Variants in RP2 observed in about 807,000 individuals in gnomAD.
RP2 encodes protein XRP2.
Under a neutral mutation model 20.3 loss-of-function variants are expected in RP2, and 3 were observed. That is an observed-to-expected ratio of 0.15 (90% CI 0.07 to 0.38). The LOEUF (loss-of-function observed/expected upper bound fraction) is 0.38, where lower values mean the gene tolerates loss of function less well. Ranked by LOEUF, RP2 falls within the 10% of genes least tolerant of loss-of-function variation. The pLI is 1.00. For synonymous variants in RP2, 75 were observed against 94.8 expected, an observed-to-expected ratio of 0.79 and a Z score of 1.22; for missense variants, 233 against 268.5, an observed-to-expected ratio of 0.87 and a Z score of 0.92.
At chrX:46,851,482 C>T (rs930222323) in intron 1 of RP2, among the ~76,000 whole-genome samples, 3 of 108,915 alleles carry the variant, frequency 2.8e-5, no homozygotes, top group Non-Finnish European at 5.7e-5. Flanking sequence ...ACTAAAAATA[C>T]AACATTAGCT....
At chrX:46,847,706 ATATACACACATATATGTGTGTGTG>A (rs1556316575) in intron 1 of RP2, among the ~76,000 whole-genome samples, 67 of 91,737 alleles carry the variant, frequency 7.3e-4, no homozygotes, top group African/African-American at 2.6e-3. Context: ...GTGTGTGTAT[ATATACACACATATATGTGTGTGTG>A]TATATACACA....
rs376427860 is a variant in RP2, at chrX:46,876,055, C to G, written c.884-1450C>G. 8.7e-4 allele frequency among the ~76,000 whole-genome samples: 97 copies of G among 111,325 alleles called. 1 individual carries two copies. The South Asian group carries it at 0.034, about 39-fold the overall frequency. ...TATGTTCTTGAACTCCTGGCCAGGGCTGAAGGCAAGAGGATTGCTTGAGGC... is the reference window on the plus strand; with the variant it reads ...TATGTTCTTGAACTCCTGGCCAGGGGTGAAGGCAAGAGGATTGCTTGAGGC... On this transcript the variant is annotated intron_variant, in intron 3 of 4. Transcript: ENST00000218340.
intron 1 of RP2, among the ~76,000 whole-genome samples, chrX:46,844,184 AT>A (rs1367935406): frequency 9.0e-6 from 1 of 111,711 alleles, no homozygotes; most frequent in Non-Finnish European, 1.9e-5. Context: ...ATTTAAAAAA[AT>A]TTTTTTATTA....
In RP2 at chrX:46,853,632, A is replaced by G. The variant is rs371534920; in HGVS notation, c.259A>G (p.Thr87Ala). 3 of 1,210,067 alleles carry G rather than the reference A, an allele frequency of 2.5e-6. No homozygotes were observed. In the African/African-American group the frequency reaches 5.2e-5, roughly 21 times the overall value. Residue 87 changes from threonine to alanine, a missense_variant, in exon 2 of 5, where the codon ACT (threonine) becomes GCT (alanine). Thr to Ala is a moderately conservative substitution (Grantham distance 58). Transcript: ENST00000218340. ...HSATVTIDDC[T>A]NCIIFLGPVK... ...TGCTACAGTTACCATTGATGACTGT[A>G]CTAACTGCATAATTTTTCTGGGACC... is the stretch of plus-strand genomic sequence containing the variant.
chrX:46,854,165 A>C, intron 2 of RP2, 24 bp downstream of exon 2: 1 of 1,171,346 alleles, frequency 8.5e-7, no homozygotes, highest in Non-Finnish European at 1.2e-6. Context: ...GAAGAGAAAT[A>C]GTCATACACC....
At chrX:46,875,566 T>C (rs1925362641) in intron 3 of RP2, among the ~76,000 whole-genome samples, 1 of 111,281 alleles carries the variant, frequency 9.0e-6, no homozygotes, top group Non-Finnish European at 1.9e-5. Context: ...GTAAGGAGGA[T>C]CTCTCTAAGT....
chrX:46,865,748 T>C (rs944913924), intron 3 of RP2, among the ~76,000 whole-genome samples: 5 of 111,369 alleles, frequency 4.5e-5, no homozygotes, highest in Non-Finnish European at 7.5e-5. Flanking sequence ...GCCAACATGG[T>C]GAAACCCCAT....
chrX:46,852,158 G>A (rs1291322128), intron 1 of RP2, among the ~76,000 whole-genome samples: 12 of 111,282 alleles, frequency 1.1e-4, no homozygotes, highest in African/African-American at 3.9e-4. Flanking sequence ...AGTGAGCTGA[G>A]ATTGCGCCAT....
At position 46,877,681 on chromosome X, in the gene RP2, T is replaced by C. The variant is rs782057496; in HGVS notation, c.969+91T>C. ...AATAATACTTTAATACTTTTGTCCCTAATGTTGCTTGGAATTTTTGGGGTG... is the reference window on the plus strand; with the variant it reads ...AATAATACTTTAATACTTTTGTCCCCAATGTTGCTTGGAATTTTTGGGGTG... On this transcript the variant is annotated intron_variant, in intron 4 of 4. Coordinates refer to ENST00000218340, the MANE Select transcript of RP2 (RefSeq NM_006915.3). 655 of 650,342 alleles carry C rather than the reference T, an allele frequency of 1.0e-3. 2 individuals are homozygous for C. The highest frequency in any genetic ancestry group is 1.6e-3 in the South Asian group (67 of 41,784). The allele number at this position is 650,342 out of a possible 1,213,427, so 53.6% of individuals were successfully genotyped here.
chrX:46,872,875 C>A (rs1393205458), intron 3 of RP2, among the ~76,000 whole-genome samples: 3 of 110,493 alleles, frequency 2.7e-5, no homozygotes, highest in Non-Finnish European at 5.7e-5. Flanking sequence ...ATAGCTTGGA[C>A]TACAGACATG....
intron 3 of RP2, among the ~76,000 whole-genome samples, chrX:46,875,503 C>CA (rs1449577741): frequency 1.8e-5 from 2 of 111,013 alleles, no homozygotes; most frequent in Non-Finnish European, 3.8e-5. Context: ...CATTGGTATA[C>CA]AGTGAATTTT....
rs1925480329 is a variant in RP2, at chrX:46,882,088, GGTT to G, written c.*2323_*2325del. On this transcript the variant is annotated 3_prime_UTR_variant, in exon 5 of 5. Coordinates refer to ENST00000218340, the MANE Select transcript of RP2 (RefSeq NM_006915.3). Reference sequence around the variant, plus strand: ...GATTTTAAAAAATAAGTAGTGCTATGGTTGTTTCTATAATTCTAACCTTTGATA... The same window carrying G: ...GATTTTAAAAAATAAGTAGTGCTATGGTTTCTATAATTCTAACCTTTGATA... 9.0e-6 allele frequency: 1 copy of G among 111,666 alleles called. No individual in the cohort carries two copies. The highest frequency in any genetic ancestry group is 1.9e-5 in the Non-Finnish European group (1 of 53,133). 9.2% of individuals were successfully genotyped at this position (111,666 alleles called of 1,213,427 possible). A position where few individuals can be genotyped will look rare whatever the true frequency, so the allele number is the denominator to read the frequency against.
In RP2 at chrX:46,862,078, G is replaced by C. The variant is rs188318441; in HGVS notation, c.883+1976G>C. Among the ~76,000 whole-genome samples, 6 of 111,951 alleles carry C rather than the reference G, an allele frequency of 5.4e-5. No homozygotes were observed. In the Admixed American group the frequency reaches 5.7e-4, roughly 11 times the overall value. Reference sequence around the variant, plus strand: ...AAACTATTGGGGTAAAAGTTGCTAAGAAGTAGGATATTTGGCTGGGCGTAG... The same window carrying C: ...AAACTATTGGGGTAAAAGTTGCTAACAAGTAGGATATTTGGCTGGGCGTAG... On this transcript the variant is annotated intron_variant, in intron 3 of 4. Coordinates refer to ENST00000218340, the MANE Select transcript of RP2 (RefSeq NM_006915.3).
At chrX:46,879,062 T>TTAA in intron 4 of RP2, among the ~76,000 whole-genome samples, 2 of 33,045 alleles carry the variant, frequency 6.1e-5, no homozygotes, top group African/African-American at 3.3e-4. Context: ...CTACAAAAAG[T>TTAA]AAAAAAAAAA....
chrX:46,855,557 TC>T (rs1924942711), intron 2 of RP2, among the ~76,000 whole-genome samples: 2 of 110,560 alleles, frequency 1.8e-5, no homozygotes, highest in African/African-American at 6.6e-5. Flanking sequence ...AACCTCTGCC[TC>T]CCGGGTTTAA....
chrX:46,848,851 A>G (rs977382343), intron 1 of RP2, among the ~76,000 whole-genome samples: 1 of 108,198 alleles, frequency 9.2e-6, no homozygotes, highest in Non-Finnish European at 1.9e-5. Flanking sequence ...CAACATGGCG[A>G]AACCCCATCT....
rs782713920 is a variant in RP2, at chrX:46,853,611, A to G, written c.238A>G (p.Thr80Ala). 2.0e-5 allele frequency: 24 copies of G among 1,209,895 alleles called. No homozygotes were observed. The highest frequency in any genetic ancestry group is 1.6e-4 in the South Asian group (9 of 56,795). The change falls in exon 2 of 5, where the codon ACA (threonine) becomes GCA (alanine). Residue 80 changes from threonine to alanine, a missense_variant. By Grantham distance (58) the Thr-to-Ala change is moderately conservative. Coordinates refer to ENST00000218340, the MANE Select transcript of RP2 (RefSeq NM_006915.3). ...CATCTATATTTTTGATCACTCTGCT[A>G]CAGTTACCATTGATGACTGTACTAA... ...CNIYIFDHSATVTIDDCTNCI... is the reference protein window; with the variant it reads ...CNIYIFDHSAAVTIDDCTNCI...
At chrX:46,837,871 C>T in intron 1 of RP2, among the ~76,000 whole-genome samples, 1 of 111,986 alleles carries the variant, frequency 8.9e-6, no homozygotes, top group Non-Finnish European at 1.9e-5. Flanking sequence ...ATAAACCAGG[C>T]AGTATTTTAC....
At chrX:46,852,253 A>G (rs1924875631) in intron 1 of RP2, among the ~76,000 whole-genome samples, 1 of 109,634 alleles carries the variant, frequency 9.1e-6, no homozygotes, top group Non-Finnish European at 1.9e-5. Context: ...GAAGGAAGAG[A>G]GGAAGGGAGG....
Sources: allele counts gnomAD v4.1 joint callset (sites outside exome capture counted in the v4.1 genomes callset), GRCh38; gene constraint gnomAD v4.1.1; transcripts MANE v1.5; gene names NCBI Gene and HGNC (gene_info 2026-07-23, HGNC 2026-07-21).